The following RNF123 variants were observed in gnomAD, a reference collection of about 807,000 sequenced individuals.
The protein encoded by RNF123 is E3 ubiquitin-protein ligase RNF123.
A neutral mutation model predicts 168.5 loss-of-function variants in RNF123; 86 were observed. The ratio of observed to expected loss-of-function variants is 0.51; its 90% confidence interval spans 0.43 to 0.61. The LOEUF is 0.61. Among genes scored for constraint, RNF123 ranks in the 20% least tolerant of loss-of-function variants. The pLI is 0.00. For missense variants in RNF123, 1,419 were observed against 1,729.7 expected (o/e 0.82, Z 3.19); for synonymous variants, 666 against 689.1 (o/e 0.97, Z 0.52).
intron 8 of RNF123, 105 bp downstream of exon 8, chr3:49,698,631 A>C (rs1374280277): frequency 1.3e-6 from 2 of 1,531,040 alleles, no homozygotes; most frequent in African/African-American, 2.7e-5. Flanking sequence ...GGGAAGGGTC[A>C]GGGACCCAGG....
At chr3:49,720,322 A>G (rs1376920429) in intron 35 of RNF123, 189 bp from the exon 36 acceptor site, 23 of 487,500 alleles carry the variant, frequency 4.7e-5, no homozygotes, top group South Asian at 6.9e-5. Context: ...CTCAAGAAAA[A>G]AAAAAAAAAA....
intron 3 of RNF123, among the ~76,000 whole-genome samples, chr3:49,695,009 C>A (rs1218322033): frequency 6.6e-6 from 1 of 152,236 alleles, no homozygotes; most frequent in South Asian, 2.1e-4. Flanking sequence ...GCTGTAGGCA[C>A]TCAGTGGTGG....
intron 35 of RNF123, chr3:49,718,845 C>A: frequency 2.5e-6 from 4 of 1,613,432 alleles, no homozygotes; most frequent in Non-Finnish European, 3.4e-6. Flanking sequence ...TGAGGAAGGC[C>A]GGCAGCGCGG....
At chr3:49,689,696 C>T (rs975638366) in intron 1 of RNF123, 90 bp downstream of exon 1, 3 of 152,372 alleles carry the variant, frequency 2.0e-5, no homozygotes, top group African/African-American at 7.2e-5. Flanking sequence ...GCACCTGCAG[C>T]GCAGGGATCT....
At chr3:49,695,707 T>A (rs1397041879) in intron 3 of RNF123, among the ~76,000 whole-genome samples, 1 of 152,148 alleles carries the variant, frequency 6.6e-6, no homozygotes, top group African/African-American at 2.4e-5. Context: ...ATGAGTGGGG[T>A]AAGAACTGGC....
Position 49,702,117 on chromosome 3 carries a change from G to C in RNF123, c.1530G>C (p.Leu510=), listed in dbSNP as rs751520112. The C allele has an allele frequency of 1.2e-6, 2 of 1,614,188 alleles. No homozygotes were observed. The highest frequency in any genetic ancestry group is 1.7e-6 in the Non-Finnish European group (2 of 1,180,026). Reference sequence around the variant, plus strand: ...AACTACAGGTCCAGATCCTGAAGCTGCTGCTGGACAATAAAGATGACAATG... The same window carrying C: ...AACTACAGGTCCAGATCCTGAAGCTCCTGCTGGACAATAAAGATGACAATG... The part of the protein sequence containing the change: ...VEELQVQILK[L]LLDNKDDNGG... The change falls in exon 18 of 39, where the codon CTG becomes CTC. Residue 510 remains leucine (L), a synonymous_variant. Coordinates refer to ENST00000327697, the MANE Select transcript of RNF123 (RefSeq NM_022064.5).
At chr3:49,713,611 CA>C (rs747241617) in intron 28 of RNF123, 24 bp downstream of exon 28, 9 of 1,606,550 alleles carry the variant, frequency 5.6e-6, no homozygotes, top group East Asian at 2.2e-5. Flanking sequence ...ACAGAGGGTA[CA>C]GGGGGAGGGG....
At chr3:49,719,964 A>G in intron 35 of RNF123, 1 of 164,742 alleles carries the variant, frequency 6.1e-6, no homozygotes, top group Non-Finnish European at 1.3e-5. Flanking sequence ...AGGACTGATA[A>G]TATTATGGGG....
intron 28 of RNF123, 68 bp downstream of exon 28, chr3:49,713,655 A>G: frequency 1.9e-6 from 3 of 1,576,688 alleles, no homozygotes; most frequent in Non-Finnish European, 2.6e-6. Flanking sequence ...GCTTTCTTCT[A>G]TGAAAAATGT....
intron 26 of RNF123, among the ~76,000 whole-genome samples, chr3:49,710,980 A>T (rs1013261998): frequency 8.5e-5 from 13 of 152,122 alleles, no homozygotes; most frequent in Non-Finnish European, 1.8e-4. Flanking sequence ...ACTCCTGTAA[A>T]CCAGCACTTT....
At position 49,720,534 on chromosome 3, in the gene RNF123, T is replaced by G; in HGVS notation, c.3524T>G (p.Leu1175Arg). ...AGGAGAGAGCAAGCCACATCAGTGCTCCTGGCAGATCCCTGCTTCCAGCTA... is the reference window on the plus strand; with the variant it reads ...AGGAGAGAGCAAGCCACATCAGTGCGCCTGGCAGATCCCTGCTTCCAGCTA... The part of the protein sequence containing the change: ...ASEREQATSV[L>R]LADPCFQLRS... The change falls in exon 36 of 39, where the codon CTC (leucine) becomes CGC (arginine). Residue 1175 changes from leucine to arginine, a missense_variant. Physicochemically the swap from Leu to Arg is moderately radical, Grantham distance 102. Transcript: ENST00000327697. 6.2e-7 allele frequency: 1 copy of G among 1,604,290 alleles called. No individual in the cohort carries two copies. The highest frequency in any genetic ancestry group is 8.5e-7 in the Non-Finnish European group (1 of 1,174,202).
chr3:49,713,850 A>G, intron 29 of RNF123, 25 bp downstream of exon 29: 24 of 1,612,656 alleles, frequency 1.5e-5, no homozygotes, highest in Non-Finnish European at 1.9e-5. Context: ...GGGGGCACAC[A>G]CCCTGGCCAC....
chr3:49,713,851 C>T (rs1182236189), intron 29 of RNF123, 26 bp downstream of exon 29: 1 of 1,613,202 alleles, frequency 6.2e-7, no homozygotes, highest in Non-Finnish European at 8.5e-7. Flanking sequence ...GGGGCACACA[C>T]CCTGGCCACA....
intron 35 of RNF123, 161 bp from the exon 36 acceptor site, chr3:49,720,350 T>A (rs2080372068): frequency 1.7e-6 from 1 of 580,832 alleles, no homozygotes; most frequent in South Asian, 4.6e-5. Context: ...GTGTGGCACC[T>A]TACTAGAATA....
intron 26 of RNF123, among the ~76,000 whole-genome samples, chr3:49,708,259 C>T (rs564165643): frequency 7.6e-4 from 115 of 152,292 alleles, no homozygotes; most frequent in African/African-American, 2.6e-3. Flanking sequence ...CCACTGTGCC[C>T]GGTCACCCAT....
At chr3:49,718,437 C>G (rs766239635) in intron 35 of RNF123, 1 of 1,612,972 alleles carries the variant, frequency 6.2e-7, no homozygotes, top group South Asian at 1.1e-5. Context: ...CATGCTGCTC[C>G]TGTACGTTGC....
rs1296952045 is a variant in RNF123, at chr3:49,701,899, A to G, written c.1484A>G (p.Lys495Arg). Residue 495 changes from lysine (K) to arginine (R), a missense_variant, in exon 17 of 39, where the codon AAG becomes AGG. Transcript: ENST00000327697. ...GAACGGGGCTGTCAGCGGCTCAGGA[A>G]GCGCATCGAAGGTCAGCCCGCCTTG... ...AYERGCQRLR[K>R]RIEVVEELQV... is the part of the protein sequence containing the mutation. 4 of 1,560,968 alleles carry G rather than the reference A, an allele frequency of 2.6e-6. No individual in the cohort carries two copies. The Admixed American group carries it at 7.8e-5, about 30-fold the overall frequency.
chr3:49,703,069 G>A lies in RNF123; in HGVS notation c.1750+316G>A, dbSNP rs539199745. On this transcript the variant is annotated intron_variant, in intron 20 of 38. Coordinates refer to ENST00000327697, the MANE Select transcript of RNF123 (RefSeq NM_022064.5). ...TAGGGCTGCCTTGGGTGGGTGCTGG[G>A]GGGCCCTGTGTTTGAGTCCCCAAGG... is the stretch of plus-strand genomic sequence containing the variant. Among the ~76,000 whole-genome samples the A allele has an allele frequency of 1.4e-4, 21 of 152,322 alleles. No individual in the cohort carries two copies. In the South Asian group the frequency reaches 1.7e-3, roughly 12 times the overall value.
chr3:49,699,526 G>T lies in RNF123; in HGVS notation c.823G>T (p.Ala275Ser). The change falls in exon 11 of 39, where the codon GCA becomes TCA. Residue 275 changes from alanine to serine, a missense_variant. Around this residue, in one of 5 missense-constraint regions of RNF123, gnomAD observed 318 missense variants for 446.6 expected, o/e 0.71. Transcript: ENST00000327697. This position sits in a 1 kb window ranked among gnomAD's most constrained non-coding sequence, Gnocchi z 4.8. Reference sequence around the variant, plus strand: ...CCCACCGAGTGCTGACCTGGTGCGGGCACAGAGGTTGCTGGGCTGCTTCCG... The same window carrying T: ...CCCACCGAGTGCTGACCTGGTGCGGTCACAGAGGTTGCTGGGCTGCTTCCG... The part of the protein sequence containing the change: ...QDPPSADLVR[A>S]QRLLGCFRAV... 1 of 1,612,800 alleles carries T rather than the reference G, an allele frequency of 6.2e-7. No individual in the cohort carries two copies.
Sources: gnomAD v4.1 joint callset for allele counts (sites outside exome capture counted in the v4.1 genomes callset) on GRCh38, gnomAD v4.1.1 for gene constraint, gnomAD v4.1.1 regional missense constraint, Gnocchi (gnomAD v3.1) non-coding constraint, MANE v1.5 for transcripts, NCBI Gene and HGNC (gene_info 2026-07-23, HGNC 2026-07-21) for gene names.